RASSF5: variants seen among roughly 807,000 people sequenced by gnomAD.
RASSF5 encodes Ras association domain family member 5, also known as ras association domain-containing protein 5.
In RASSF5, 25 loss-of-function variants were observed where a neutral mutation model predicts 40.5. That is an observed-to-expected ratio of 0.62 (90% CI 0.45 to 0.86). The LOEUF is 0.86. Ranked by LOEUF, RASSF5 falls within the 40% of genes least tolerant of loss-of-function variation. RASSF5 has a pLI of 0.00. For missense variants in RASSF5, 521 were observed against 572.8 expected (o/e 0.91, Z 0.92); for synonymous variants, 246 against 252.4 (o/e 0.97, Z 0.24).
intron 1 of RASSF5, among the ~76,000 whole-genome samples, chr1:206,508,759 T>C (rs1025771135): frequency 1.3e-5 from 2 of 152,036 alleles, no homozygotes; most frequent in Non-Finnish European, 1.5e-5. Flanking sequence ...CCTGCCCTAG[T>C]CGTCATGCTC....
At chr1:206,554,970 A>G (rs1667943237) in intron 2 of RASSF5, among the ~76,000 whole-genome samples, 1 of 152,206 alleles carries the variant, frequency 6.6e-6, no homozygotes, top group African/African-American at 2.4e-5. Flanking sequence ...CTAGAAGTCA[A>G]GAGGCTTTGA....
rs368124193 is a variant in RASSF5, at chr1:206,508,322, C to CCACACACACACA, written c.457+285_457+296dup. ...CCTGACAGGTGCGTGCCTTGGCCCT[C>CCACACACACACA]CACACACACACACACACACACACAC... On this transcript the variant is annotated intron_variant, in intron 1 of 5. Coordinates refer to ENST00000579436, the MANE Select transcript of RASSF5 (RefSeq NM_182663.4). Among the ~76,000 whole-genome samples the CCACACACACACA allele has an allele frequency of 4.7e-3, 683 of 146,616 alleles. 10 individuals carry two copies. The highest frequency in any genetic ancestry group is 0.017 in the African/African-American group (661 of 39,902).
In RASSF5 at chr1:206,525,279, C is replaced by T. The variant is rs1487510683; in HGVS notation, c.458-12893C>T. 2.6e-5 allele frequency among the ~76,000 whole-genome samples: 4 copies of T among 152,172 alleles called. No homozygotes were observed. In the East Asian group the frequency reaches 7.7e-4, roughly 29 times the overall value. On this transcript the variant is annotated intron_variant, in intron 1 of 5. Transcript: ENST00000579436. The stretch of plus-strand genomic sequence containing the variant: ...GTGCCCCTGCAGGCCAACCAGGGCG[C>T]CCAACTTCTGCCAGGCAGGTTGGGT...
intron 2 of RASSF5, among the ~76,000 whole-genome samples, chr1:206,546,089 ATTTTTTTTTTTTTTTTTTTTTTTTT>A (rs10603701): frequency 8.3e-5 from 4 of 48,248 alleles, no homozygotes; most frequent in African/African-American, 2.4e-4. Context: ...TTCTTTTTCT[ATTTTTTTTTTTTTTTTTTTTTTTTT>A]TTTTTTTTTT....
At chr1:206,533,433 G>C (rs1553398211) in intron 1 of RASSF5, among the ~76,000 whole-genome samples, 1 of 152,122 alleles carries the variant, frequency 6.6e-6, no homozygotes, top group African/African-American at 2.4e-5. Flanking sequence ...GGATTGAACT[G>C]GGCTTTCCCC....
At position 206,560,290 on chromosome 1, in the gene RASSF5, T is replaced by C. The variant is rs1668102871; in HGVS notation, c.579+21997T>C. On this transcript the variant is annotated intron_variant, in intron 2 of 5. Transcript: ENST00000579436. The surrounding 1 kb of genome is among the most constrained non-coding windows in gnomAD (Gnocchi z 5.1). ...TCAGGGAAGCCTCACTGCTGTGCGA[T>C]GCCACCACCTGGGAGTTGCCACTGG... Among the ~76,000 whole-genome samples, 1 of 152,214 alleles carries C rather than the reference T, an allele frequency of 6.6e-6. No homozygotes were observed. Among genetic ancestry groups the C allele is most frequent in the Non-Finnish European group, 1.5e-5 (1 of 68,032 alleles).
chr1:206,533,641 G>A (rs565065744), intron 1 of RASSF5, among the ~76,000 whole-genome samples: 2 of 152,192 alleles, frequency 1.3e-5, no homozygotes, highest in East Asian at 3.9e-4. Context: ...TGTAGTCCTA[G>A]CTACTCAGGA....
rs199649479 is a variant in RASSF5, at chr1:206,584,396, G to A, written c.700G>A (p.Gly234Ser). ...ATGCCCCCGCTGGCAGAGTGAAGAC[G>A]GCACCTACACGGGTTTCATCAAAGT... Reference protein sequence around the residue: ...NCLGMKLSEDGTYTGFIKVHL... With the variant: ...NCLGMKLSEDSTYTGFIKVHL... The change falls in exon 4 of 6, where the codon GGC becomes AGC. Residue 234 changes from glycine to serine, a missense_variant. Coordinates refer to ENST00000579436, the MANE Select transcript of RASSF5 (RefSeq NM_182663.4). The surrounding 1 kb of genome is among the most constrained non-coding windows in gnomAD (Gnocchi z 4.9). 2.5e-5 allele frequency: 40 copies of A among 1,611,382 alleles called. No individual in the cohort carries two copies. Among genetic ancestry groups the A allele is most frequent in the Non-Finnish European group, 2.5e-5 (30 of 1,178,192 alleles).
intron 3 of RASSF5, chr1:206,583,819 T>C (rs1553406901): frequency 5.3e-6 from 1 of 188,894 alleles, no homozygotes; most frequent in Non-Finnish European, 1.1e-5. Flanking sequence ...AAAGGCTGTC[T>C]TCAATAGGGA....
chr1:206,522,031 A>T (rs553149101), intron 1 of RASSF5, among the ~76,000 whole-genome samples: 7 of 149,522 alleles, frequency 4.7e-5, no homozygotes, highest in South Asian at 2.1e-4. Flanking sequence ...GTTTTAAATT[A>T]TTTTTTTTTT....
chr1:206,556,955 A>G (rs1668006408), intron 2 of RASSF5, among the ~76,000 whole-genome samples: 1 of 150,568 alleles, frequency 6.6e-6, no homozygotes, highest in Non-Finnish European at 1.5e-5. Flanking sequence ...CTCTTTCCAG[A>G]AGCAAGTGCA....
chr1:206,549,829 G>T (rs1242799106), intron 2 of RASSF5, among the ~76,000 whole-genome samples: 4 of 152,138 alleles, frequency 2.6e-5, no homozygotes, highest in African/African-American at 9.7e-5. Flanking sequence ...GTAGGAACAG[G>T]CACTATTCCT....
intron 1 of RASSF5, among the ~76,000 whole-genome samples, chr1:206,526,825 AT>A (rs1667108931): frequency 6.6e-6 from 1 of 152,156 alleles, no homozygotes; most frequent in African/African-American, 2.4e-5. Flanking sequence ...CTGGCATCAC[AT>A]GCTGAGTCCA....
At chr1:206,540,899 A>G (rs1330772353) in intron 2 of RASSF5, among the ~76,000 whole-genome samples, 1 of 150,892 alleles carries the variant, frequency 6.6e-6, no homozygotes, top group Non-Finnish European at 1.5e-5. Context: ...TCTGATATAT[A>G]TTTTTTTTTC....
chr1:206,523,246 G>C (rs1452601463), intron 1 of RASSF5, among the ~76,000 whole-genome samples: 1 of 149,246 alleles, frequency 6.7e-6, no homozygotes, highest in Admixed American at 6.9e-5. Flanking sequence ...GGAGGTTGTG[G>C]TGAGCAGAGA....
Position 206,584,697 on chromosome 1 carries a change from G to C in RASSF5, c.988+13G>C, listed in dbSNP as rs1669035510. ...AAGGACGGACAAGGTAGGAGAAAGAGTGAACCCAACCAGACCGTTCCCTTC... is the reference window on the plus strand; with the variant it reads ...AAGGACGGACAAGGTAGGAGAAAGACTGAACCCAACCAGACCGTTCCCTTC... On this transcript the variant is annotated intron_variant, in intron 4 of 5. Transcript: ENST00000579436. This position sits in a 1 kb window ranked among gnomAD's most constrained non-coding sequence, Gnocchi z 4.9. 1 of 1,614,012 alleles carries C rather than the reference G, an allele frequency of 6.2e-7. No individual in the cohort carries two copies. Among genetic ancestry groups the C allele is most frequent in the Admixed American group, 1.7e-5 (1 of 60,006 alleles).
intron 2 of RASSF5, among the ~76,000 whole-genome samples, chr1:206,555,712 C>T (rs545712245): frequency 2.0e-5 from 3 of 152,300 alleles, no homozygotes; most frequent in African/African-American, 4.8e-5. Context: ...GCACCGAGGG[C>T]GGCCAGCCGG....
At chr1:206,515,356 TC>T (rs1490170155) in intron 1 of RASSF5, among the ~76,000 whole-genome samples, 4 of 152,160 alleles carry the variant, frequency 2.6e-5, no homozygotes, top group Non-Finnish European at 5.9e-5. Context: ...TTTTTCCAAA[TC>T]CTAAGATGAA....
rs569393172 is a variant in RASSF5, at chr1:206,540,027, A to G, written c.579+1734A>G. ...CTTCCTTTAGAGCAGCAGGTCTCAA[A>G]AGGCGGCAATTTTACTCACCCCCTA... On this transcript the variant is annotated intron_variant, in intron 2 of 5. Coordinates refer to ENST00000579436, the MANE Select transcript of RASSF5 (RefSeq NM_182663.4). Among the ~76,000 whole-genome samples, 39 of 152,242 alleles carry G rather than the reference A, an allele frequency of 2.6e-4. No individual in the cohort carries two copies. The South Asian group carries it at 8.1e-3, about 32-fold the overall frequency.
Sources: allele counts gnomAD v4.1 joint callset (sites outside exome capture counted in the v4.1 genomes callset), GRCh38; gene constraint gnomAD v4.1.1; non-coding constraint Gnocchi (gnomAD v3.1); transcripts MANE v1.5; gene names NCBI Gene and HGNC (gene_info 2026-07-23, HGNC 2026-07-21).